Variants in CADM1 observed in about 807,000 individuals in gnomAD.
CADM1 encodes the protein TSLC-1.
Under a neutral mutation model 53.1 loss-of-function variants are expected in CADM1, and 15 were observed. The observed-to-expected ratio is 0.28, with a 90% CI of 0.19 to 0.44. The LOEUF is 0.44. Ranked by LOEUF, CADM1 falls within the 20% of genes least tolerant of loss-of-function variation. The pLI, the probability that CADM1 is intolerant of heterozygous loss-of-function variation, is 1.00. For missense variants in CADM1, 434 were observed against 611.3 expected (o/e 0.71, Z 3.06); for synonymous variants, 281 against 243.0 (o/e 1.16, Z -1.45).
chr11:115,455,416 T>TAG (rs916168336), intron 1 of CADM1, among the ~76,000 whole-genome samples: 7 of 148,960 alleles, frequency 4.7e-5, no homozygotes, highest in Admixed American at 6.7e-5. Context: ...TATATATATA[T>TAG]AGAGAGAGAG....
chr11:115,391,561 G>A (rs1181899998), intron 1 of CADM1, among the ~76,000 whole-genome samples: 1 of 152,196 alleles, frequency 6.6e-6, no homozygotes, highest in Non-Finnish European at 1.5e-5. Context: ...AGAAGAGGAG[G>A]AGGATGCGGG....
chr11:115,225,880 G>A (rs1941587390), intron 5 of CADM1, among the ~76,000 whole-genome samples: 1 of 151,956 alleles, frequency 6.6e-6, no homozygotes, highest in African/African-American at 2.4e-5. Context: ...TTCATGTCCT[G>A]GTTAACATCC....
intron 1 of CADM1, among the ~76,000 whole-genome samples, chr11:115,487,060 C>T (rs1309241636): frequency 6.6e-6 from 1 of 152,246 alleles, no homozygotes; most frequent in African/African-American, 2.4e-5. Context: ...CGGCTTTGGT[C>T]TTAGCCCTGA....
At chr11:115,223,406 C>G (rs936009653) in intron 5 of CADM1, among the ~76,000 whole-genome samples, 1 of 152,154 alleles carries the variant, frequency 6.6e-6, no homozygotes, top group Non-Finnish European at 1.5e-5. Context: ...ACCTTCCACA[C>G]AATCAAAATT....
At chr11:115,213,815 G>A (rs952273742) in intron 7 of CADM1, among the ~76,000 whole-genome samples, 9 of 152,074 alleles carry the variant, frequency 5.9e-5, no homozygotes, top group Non-Finnish European at 1.0e-4. Context: ...GTCAGTTCAT[G>A]GCTATTTTTT....
chr11:115,222,024 C>T (rs1941425415), intron 5 of CADM1, among the ~76,000 whole-genome samples: 1 of 152,184 alleles, frequency 6.6e-6, no homozygotes, highest in African/African-American at 2.4e-5. Flanking sequence ...GGGACACAGG[C>T]TCTTCTTCAT....
At chr11:115,222,417 T>C (rs1941440388) in intron 5 of CADM1, among the ~76,000 whole-genome samples, 1 of 152,132 alleles carries the variant, frequency 6.6e-6, no homozygotes, top group African/African-American at 2.4e-5. Context: ...TGTCTAGCAA[T>C]GCCAGGTGAC....
intron 1 of CADM1, among the ~76,000 whole-genome samples, chr11:115,316,394 G>C (rs576605351): frequency 6.6e-6 from 1 of 152,224 alleles, no homozygotes; most frequent in East Asian, 1.9e-4. Flanking sequence ...TCAGCTTGTT[G>C]ATAGTTTTCA....
chr11:115,448,969 G>A (rs1948512473), intron 1 of CADM1, among the ~76,000 whole-genome samples: 1 of 152,084 alleles, frequency 6.6e-6, no homozygotes, highest in South Asian at 2.1e-4. Flanking sequence ...ACAATCCCAT[G>A]TCATCTGTAT....
intron 1 of CADM1, among the ~76,000 whole-genome samples, chr11:115,370,387 C>G (rs780487307): frequency 6.6e-6 from 1 of 152,074 alleles, no homozygotes; most frequent in East Asian, 1.9e-4. Context: ...TAAGCCCTGA[C>G]GAGGGGGTAT....
At chr11:115,434,716 T>C (rs1290095468) in intron 1 of CADM1, among the ~76,000 whole-genome samples, 32 of 152,028 alleles carry the variant, frequency 2.1e-4, no homozygotes, top group Admixed American at 2.0e-3. Flanking sequence ...CCTCTCCCCC[T>C]TGCCACTCTT....
chr11:115,450,682 T>C (rs1948551843), intron 1 of CADM1, among the ~76,000 whole-genome samples: 1 of 152,130 alleles, frequency 6.6e-6, no homozygotes, highest in Non-Finnish European at 1.5e-5. Flanking sequence ...GAAGCAGAAA[T>C]AAAATTATGC....
intron 1 of CADM1, among the ~76,000 whole-genome samples, chr11:115,460,113 C>G (rs1237611595): frequency 6.6e-6 from 1 of 151,806 alleles, no homozygotes; most frequent in African/African-American, 2.4e-5. Context: ...GAGAAAGCCC[C>G]CCTACCTTCC....
chr11:115,250,150 G>C (rs1284756654), intron 1 of CADM1, among the ~76,000 whole-genome samples: 1 of 152,248 alleles, frequency 6.6e-6, no homozygotes, highest in South Asian at 2.1e-4. Context: ...TGATCTGCCT[G>C]CCTCAGCCTC....
At chr11:115,231,550 A>G (rs1274035883) in intron 3 of CADM1, 60 bp from the exon 4 acceptor site, 2 of 1,505,114 alleles carry the variant, frequency 1.3e-6, no homozygotes, top group African/African-American at 2.7e-5. Context: ...TGTTGCTATC[A>G]AAAAGGAGAA....
chr11:115,272,902 A>C (rs1943340292), intron 1 of CADM1, among the ~76,000 whole-genome samples: 1 of 152,112 alleles, frequency 6.6e-6, no homozygotes, highest in East Asian at 1.9e-4. Flanking sequence ...AGTATAATAA[A>C]AAAATTTAAA....
intron 1 of CADM1, among the ~76,000 whole-genome samples, chr11:115,447,492 G>T (rs2135340201): frequency 6.6e-6 from 1 of 152,252 alleles, no homozygotes; most frequent in African/African-American, 2.4e-5. Context: ...CTGTGAAAAT[G>T]GATCTGGGCC....
intron 1 of CADM1, among the ~76,000 whole-genome samples, chr11:115,502,326 GCTT>G (rs1412816198): frequency 1.9e-5 from 2 of 106,220 alleles, no homozygotes; most frequent in African/African-American, 7.1e-5. Context: ...CCGCCCCCCG[GCTT>G]TTTTTTTTTT....
chr11:115,487,292 T>A (rs141093870), intron 1 of CADM1, among the ~76,000 whole-genome samples: 11 of 152,378 alleles, frequency 7.2e-5, no homozygotes, highest in African/African-American at 2.4e-4. Context: ...ATCAAATGAA[T>A]TTAACTTCGA....
Sources: allele counts gnomAD v4.1 joint callset (sites outside exome capture counted in the v4.1 genomes callset), GRCh38; gene constraint gnomAD v4.1.1; transcripts MANE v1.5; gene names NCBI Gene and HGNC (gene_info 2026-07-23, HGNC 2026-07-21).